Variants in PDE7B observed in about 807,000 individuals in gnomAD.
PDE7B encodes 3',5'-cyclic-AMP phosphodiesterase 7B.
A neutral mutation model predicts 56.2 loss-of-function variants in PDE7B; 29 were observed. The ratio of observed to expected loss-of-function variants is 0.52; its 90% CI spans 0.38 to 0.70. The LOEUF (loss-of-function observed/expected upper bound fraction) is 0.70, where lower values mean the gene tolerates loss of function less well. Ranked by LOEUF, PDE7B falls within the 30% of genes least tolerant of loss-of-function variation. The pLI is 0.00. For synonymous variants in PDE7B, 197 were observed against 196.9 expected, an observed-to-expected ratio of 1.00 and a Z score of 0.00; for missense variants, 490 against 565.0, an observed-to-expected ratio of 0.87 and a Z score of 1.35.
At chr6:135,928,659 A>G (rs560285608) in intron 1 of PDE7B, among the ~76,000 whole-genome samples, 8 of 151,218 alleles carry the variant, frequency 5.3e-5, no homozygotes, top group African/African-American at 1.9e-4. Context: ...TTACAGTAAC[A>G]TGAACAAAGC....
intron 1 of PDE7B, among the ~76,000 whole-genome samples, chr6:135,889,440 A>AT (rs11440304): frequency 0.064 from 6,578 of 103,342 alleles, 267 homozygotes; most frequent in African/African-American, 0.1. Context: ...GGTGCTACCA[A>AT]TTTTTTTTTT....
chr6:136,178,901 T>A, intron 9 of PDE7B, 96 bp from the exon 10 acceptor site: 1 of 1,311,216 alleles, frequency 7.6e-7, no homozygotes, highest in East Asian at 2.3e-5. Context: ...AAGGCAGAAA[T>A]TAGATTACAA....
intron 2 of PDE7B, among the ~76,000 whole-genome samples, chr6:136,073,228 C>A (rs1777078009): frequency 6.6e-6 from 1 of 152,132 alleles, no homozygotes; most frequent in Non-Finnish European, 1.5e-5. Flanking sequence ...AACGTGTGCA[C>A]AGAGTGCCTC....
intron 2 of PDE7B, among the ~76,000 whole-genome samples, chr6:136,013,812 A>G (rs764708715): frequency 4.6e-5 from 7 of 152,220 alleles, no homozygotes; most frequent in Non-Finnish European, 1.0e-4. Flanking sequence ...TTTCGTGTGC[A>G]TTAAATTTAT....
At chr6:135,985,347 G>A (rs929130868) in intron 2 of PDE7B, among the ~76,000 whole-genome samples, 33 of 152,154 alleles carry the variant, frequency 2.2e-4, no homozygotes, top group African/African-American at 7.5e-4. Flanking sequence ...TTCTGAGGTT[G>A]GATAGGACAA....
intron 2 of PDE7B, among the ~76,000 whole-genome samples, chr6:135,953,286 A>G (rs1774733752): frequency 6.6e-6 from 1 of 152,106 alleles, no homozygotes; most frequent in African/African-American, 2.4e-5. Context: ...TATGAGACCT[A>G]TATACTGTTT....
intron 3 of PDE7B, among the ~76,000 whole-genome samples, chr6:136,142,365 T>A (rs1177464808): frequency 6.6e-6 from 1 of 152,196 alleles, no homozygotes; most frequent in East Asian, 1.9e-4. Flanking sequence ...GAGGAGTGCT[T>A]TACTTCCAAG....
intron 3 of PDE7B, among the ~76,000 whole-genome samples, chr6:136,117,664 A>G (rs1258682956): frequency 1.1e-4 from 17 of 152,162 alleles, no homozygotes; most frequent in Admixed American, 1.1e-3. Flanking sequence ...AACAACAGCC[A>G]CCATAACAGC....
rs532530642 is a variant in PDE7B, at chr6:136,191,855, T to G, written c.*15T>G. The G allele has an allele frequency of 7.2e-4, 1,112 of 1,538,046 alleles. 15 individuals carry two copies. In the South Asian group the frequency reaches 0.013, roughly 17 times the overall value. On this transcript the variant is annotated 3_prime_UTR_variant, in exon 13 of 13. Coordinates refer to ENST00000308191, the MANE Select transcript of PDE7B (RefSeq NM_018945.4). Reference sequence around the variant, plus strand: ...ACAGCCCCTAGGGGCCGGCCCAACTTAGACGCGGCTCTCCTCCGGCAGGGC... The same window carrying G: ...ACAGCCCCTAGGGGCCGGCCCAACTGAGACGCGGCTCTCCTCCGGCAGGGC...
intron 2 of PDE7B, among the ~76,000 whole-genome samples, chr6:136,095,114 G>A (rs911314965): frequency 1.2e-4 from 19 of 152,230 alleles, no homozygotes; most frequent in South Asian, 4.2e-4. Flanking sequence ...ATACTGAAGC[G>A]TCTGAGAAAT....
intron 1 of PDE7B, among the ~76,000 whole-genome samples, chr6:135,924,482 A>C (rs867440043): frequency 5.3e-5 from 8 of 152,162 alleles, no homozygotes; most frequent in African/African-American, 1.9e-4. Flanking sequence ...ACGTGTCCGA[A>C]GTCATACCAT....
chr6:135,917,630 A>C (rs538113844), intron 1 of PDE7B, among the ~76,000 whole-genome samples: 1 of 151,540 alleles, frequency 6.6e-6, no homozygotes, highest in Non-Finnish European at 1.5e-5. Flanking sequence ...TGTTGTTGTT[A>C]GTTAAATTTT....
intron 1 of PDE7B, among the ~76,000 whole-genome samples, chr6:135,934,805 A>AT (rs1289858378): frequency 8.5e-6 from 1 of 117,734 alleles, no homozygotes; most frequent in Non-Finnish European, 1.7e-5. Context: ...AAATATATAT[A>AT]TTTATTATAT....
chr6:135,901,472 CTGAA>C (rs1775998624), intron 1 of PDE7B, among the ~76,000 whole-genome samples: 1 of 152,082 alleles, frequency 6.6e-6, no homozygotes, highest in Non-Finnish European at 1.5e-5. Context: ...TAGCAGATGA[CTGAA>C]TGAGTACAGA....
At chr6:135,911,587 T>C (rs1378880942) in intron 1 of PDE7B, among the ~76,000 whole-genome samples, 1 of 152,180 alleles carries the variant, frequency 6.6e-6, no homozygotes, top group African/African-American at 2.4e-5. Context: ...AAGTCTGTGT[T>C]TGAATATGAT....
chr6:136,068,423 CTTTTTTTTT>C (rs33992191), intron 2 of PDE7B, among the ~76,000 whole-genome samples: 4 of 79,538 alleles, frequency 5.0e-5, no homozygotes, highest in South Asian at 4.5e-4. Context: ...ACCAAGATTC[CTTTTTTTTT>C]TTTTTTTTTT....
chr6:135,851,867 T>TTTTTTTTTTC lies in PDE7B; in HGVS notation c.-128_-127insTTTTTCTTTT. ...TCTTTTCCTTTTTTTTCTTTTTTTT[T>TTTTTTTTTTC]TTTTGTTACTTAATTATATTCCTAA... On this transcript the variant is annotated 5_prime_UTR_variant, in exon 1 of 13. Transcript: ENST00000308191. The TTTTTTTTTTC allele has an allele frequency of 1.6e-6, 1 of 611,402 alleles. No individual in the cohort carries two copies. The highest frequency in any genetic ancestry group is 2.3e-5 in the South Asian group (1 of 43,036). 37.9% of individuals were successfully genotyped at this position (611,402 alleles called of 1,614,324 possible).
rs1371887989 is a variant in PDE7B at position 136,193,024 on chromosome 6, T to C, written c.*1184T>C. On this transcript the variant is annotated 3_prime_UTR_variant, in exon 13 of 13. Transcript: ENST00000308191. ...ACCAAGCATCGTTTCCTCAGATTAA[T>C]GAGACCCTTCAACAAGCCTGAATCA... 6.6e-6 allele frequency: 1 copy of C among 152,568 alleles called. No individual in the cohort carries two copies. Among genetic ancestry groups the C allele is most frequent in the African/African-American group, 2.4e-5 (1 of 41,470 alleles). The allele number at this position is 152,568 out of a possible 1,614,324, so 9.5% of individuals were successfully genotyped here.
At chr6:136,070,991 G>T (rs1473167247) in intron 2 of PDE7B, among the ~76,000 whole-genome samples, 1 of 152,068 alleles carries the variant, frequency 6.6e-6, no homozygotes, top group East Asian at 1.9e-4. Flanking sequence ...CCAGCATGAG[G>T]AGCCCTGAGA....
Sources: allele counts gnomAD v4.1 joint callset (sites outside exome capture counted in the v4.1 genomes callset), GRCh38; gene constraint gnomAD v4.1.1; transcripts MANE v1.5; gene names NCBI Gene and HGNC (gene_info 2026-07-23, HGNC 2026-07-21).